The following ATP2C2 variants were observed in gnomAD, a reference collection of about 807,000 sequenced individuals.
ATP2C2 encodes the protein calcium-transporting ATPase type 2C member 2.
ATP2C2 carries 171 observed loss-of-function variants against 110.8 expected under a neutral mutation model. The ratio of observed to expected loss-of-function variants is 1.54; its 90% CI spans 1.36 to 1.75. ATP2C2 has a LOEUF of 1.75. ATP2C2 is among the 40% of genes most tolerant of loss of function. ATP2C2 has a pLI of 0.00. For synonymous variants in ATP2C2, 804 were observed against 508.4 expected (o/e 1.58, Z -7.82); for missense variants, 1,963 against 1,235.0 (o/e 1.59, Z -8.84).
At chr16:84,431,731 G>A (rs749677822) in intron 11 of ATP2C2, among the ~76,000 whole-genome samples, 2 of 152,098 alleles carry the variant, frequency 1.3e-5, no homozygotes, top group Admixed American at 6.6e-5. Flanking sequence ...GAAACTCATG[G>A]CCCCTTCTCC....
chr16:84,390,852 G>C (rs1040564557), intron 1 of ATP2C2, among the ~76,000 whole-genome samples: 3 of 152,156 alleles, frequency 2.0e-5, no homozygotes, highest in African/African-American at 7.2e-5. Context: ...GGTGGCTCAC[G>C]CCTGTAATCC....
intron 11 of ATP2C2, among the ~76,000 whole-genome samples, chr16:84,427,629 A>T (rs1402196402): frequency 6.6e-6 from 1 of 152,166 alleles, no homozygotes; most frequent in Non-Finnish European, 1.5e-5. Flanking sequence ...AGGCAGAAGA[A>T]TCGCTTGAGC....
intron 16 of ATP2C2, among the ~76,000 whole-genome samples, chr16:84,447,895 T>C: frequency 1.5e-5 from 1 of 67,834 alleles, no homozygotes. Context: ...TAATAACATA[T>C]ATAATTAATA....
chr16:84,398,803 C>G (rs1257886020), intron 2 of ATP2C2, among the ~76,000 whole-genome samples, 194 bp downstream of exon 2: 1 of 152,200 alleles, frequency 6.6e-6, no homozygotes, highest in African/African-American at 2.4e-5. Flanking sequence ...TAGAGCTCGT[C>G]TTCACCAGGC....
chr16:84,401,554 T>C (rs1241364447), intron 2 of ATP2C2, among the ~76,000 whole-genome samples: 4 of 152,144 alleles, frequency 2.6e-5, no homozygotes, highest in African/African-American at 9.7e-5. Flanking sequence ...ATATGGAGAT[T>C]TTGTTTTCCT....
chr16:84,373,389 A>T (rs1910071484), intron 1 of ATP2C2, among the ~76,000 whole-genome samples: 1 of 152,122 alleles, frequency 6.6e-6, no homozygotes, highest in Admixed American at 6.5e-5. Context: ...AACCCCGGCT[A>T]CTCAGAAGGC....
At chr16:84,411,044 G>A (rs1330770218) in intron 6 of ATP2C2, 4 of 512,334 alleles carry the variant, frequency 7.8e-6, no homozygotes, top group African/African-American at 1.9e-5. Context: ...TGGGAAGAGG[G>A]TAGCCCACAA....
chr16:84,459,411 C>G lies in ATP2C2; in HGVS notation c.2333+25C>G, dbSNP rs1161006345. 8.1e-6 allele frequency: 13 copies of G among 1,610,890 alleles called. No individual in the cohort carries two copies. The South Asian group carries it at 1.3e-4, about 16-fold the overall frequency. The stretch of plus-strand genomic sequence containing the variant: ...GGTGAGGCAGGGCCGGCTGGGAGCC[C>G]TGTGTCTCTTTACCCACCTGCGGGG... On this transcript the variant is annotated intron_variant, in intron 23 of 26. Transcript: ENST00000262429.
chr16:84,410,830 C>G lies in ATP2C2; in HGVS notation c.515+65C>G, dbSNP rs990831393. The G allele has an allele frequency of 1.8e-5, 27 of 1,486,038 alleles. 1 individual carries two copies. The East Asian group carries it at 5.9e-4, about 32-fold the overall frequency. The allele number at this position is 1,486,038 out of a possible 1,614,324, so 92.1% of individuals were successfully genotyped here. A position where few individuals can be genotyped will look rare whatever the true frequency, so the allele number is the denominator to read the frequency against. ...GGAGCCAGGGAGCTGGAGAGTTTGG[C>G]AAATGTTTGCTGAAAGTTGTATCCT... On this transcript the variant is annotated intron_variant, in intron 6 of 26. Coordinates refer to ENST00000262429, the MANE Select transcript of ATP2C2 (RefSeq NM_014861.4).
Position 84,405,180 on chromosome 16 carries a change from C to G in ATP2C2, c.263C>G (p.Ala88Gly), listed in dbSNP as rs200703953. The G allele has an allele frequency of 8.1e-6, 13 of 1,613,946 alleles. No homozygotes were observed. Among genetic ancestry groups the G allele is most frequent in the Admixed American group, 5.0e-5 (3 of 59,994 alleles). Residue 88 changes from alanine to glycine, a missense_variant, in exon 3 of 27, where the codon GCC (alanine) becomes GGC (glycine). Ala to Gly is a moderately conservative substitution (Grantham distance 60, BLOSUM62 0). Coordinates refer to ENST00000262429, the MANE Select transcript of ATP2C2 (RefSeq NM_014861.4). ...SEFSVTQRRL[A>G]HGWNEFVADN... is the part of the protein sequence containing the mutation. ...TTCTCGGTGACGCAGCGCCGGCTGG[C>G]CCATGGCTGGAATGAGTTTGTTGCT... is the stretch of plus-strand genomic sequence containing the variant.
At chr16:84,426,253 G>C (rs920411830) in intron 11 of ATP2C2, among the ~76,000 whole-genome samples, 2 of 152,076 alleles carry the variant, frequency 1.3e-5, no homozygotes, top group Admixed American at 6.6e-5. Context: ...AGGAAGGGGA[G>C]ATGCCACATG....
chr16:84,378,649 A>C (rs763554821), intron 1 of ATP2C2, among the ~76,000 whole-genome samples: 14 of 152,218 alleles, frequency 9.2e-5, no homozygotes, highest in Admixed American at 2.0e-4. Flanking sequence ...TCTTGCTTTG[A>C]CCTTGGGTCA....
At chr16:84,422,896 C>T (rs1406610722) in intron 9 of ATP2C2, among the ~76,000 whole-genome samples, 199 bp downstream of exon 9, 1 of 151,990 alleles carries the variant, frequency 6.6e-6, no homozygotes, top group Non-Finnish European at 1.5e-5. Context: ...AACTCCTGAG[C>T]TCAAGCAATC....
chr16:84,434,923 G>A (rs116643217), intron 11 of ATP2C2, among the ~76,000 whole-genome samples: 1,959 of 152,266 alleles, frequency 0.013, 43 homozygotes, highest in African/African-American at 0.045. Flanking sequence ...AGTCCCCGTC[G>A]TAACCCTCCA....
At chr16:84,389,003 CTCGTGA>C (rs1904490401) in intron 1 of ATP2C2, among the ~76,000 whole-genome samples, 1 of 152,108 alleles carries the variant, frequency 6.6e-6, no homozygotes, top group Admixed American at 6.6e-5. Context: ...ATCTCTTGAC[CTCGTGA>C]TCCACCCAAA....
chr16:84,410,083 C>T (rs1906140139), intron 4 of ATP2C2, among the ~76,000 whole-genome samples: 2 of 152,110 alleles, frequency 1.3e-5, no homozygotes, highest in South Asian at 2.1e-4. Context: ...GTGGCATGTG[C>T]CTGTGGTCCC....
At chr16:84,451,142 C>G (rs183239673) in intron 17 of ATP2C2, among the ~76,000 whole-genome samples, 22 of 152,244 alleles carry the variant, frequency 1.4e-4, no homozygotes, top group Admixed American at 1.3e-3. Flanking sequence ...AGGTGAAAGG[C>G]ACGTCTTACA....
At chr16:84,424,576 C>CCTTTTTTTTTTTTT (rs1907634328) in intron 10 of ATP2C2, among the ~76,000 whole-genome samples, 1 of 114,870 alleles carries the variant, frequency 8.7e-6, no homozygotes, top group African/African-American at 4.0e-5. Context: ...CCGCACTGGG[C>CCTTTTTTTTTTTTT]TTTTTTTTTT....
chr16:84,410,445 T>C (rs982181688), intron 4 of ATP2C2, 123 bp from the exon 5 acceptor site: 17 of 1,150,540 alleles, frequency 1.5e-5, no homozygotes, highest in African/African-American at 9.2e-5. Context: ...ATTTCTGTAC[T>C]GTGCACATGT....
Sources: gnomAD v4.1 joint callset for allele counts (sites outside exome capture counted in the v4.1 genomes callset) on GRCh38, gnomAD v4.1.1 for gene constraint, MANE v1.5 for transcripts, NCBI Gene and HGNC (gene_info 2026-07-23, HGNC 2026-07-21) for gene names.